The following AGT variants were observed in gnomAD, a reference collection of about 807,000 sequenced individuals.
AGT encodes angiotensinogen, also known as alpha-1 antiproteinase, antitrypsin.
Under a neutral mutation model 28.1 loss-of-function variants are expected in AGT, and 26 were observed. The ratio of observed to expected loss-of-function variants is 0.92; its 90% CI spans 0.68 to 1.28. The LOEUF is 1.28. Among genes scored for constraint, AGT ranks in the 50% most tolerant of loss-of-function variants. AGT has a pLI of 0.00. For missense variants in AGT, 596 were observed against 592.3 expected (o/e 1.01, Z -0.06); for synonymous variants, 259 against 259.6 (o/e 1.00, Z 0.02).
At chr1:230,724,806 A>C (rs1270846692) in intron 1 of AGT, among the ~76,000 whole-genome samples, 3 of 152,354 alleles carry the variant, frequency 2.0e-5, no homozygotes, top group East Asian at 3.9e-4. Flanking sequence ...AGTCCGGGTA[A>C]CAGAGTAAGA....
At chr1:230,742,409 G>A (rs1193434372) in intron 1 of AGT, among the ~76,000 whole-genome samples, 1 of 152,084 alleles carries the variant, frequency 6.6e-6, no homozygotes, top group Non-Finnish European at 1.5e-5. Flanking sequence ...TCCACCTCCC[G>A]GGTTCAAGCA....
chr1:230,731,160 A>T (rs1228994207), intron 1 of AGT, among the ~76,000 whole-genome samples: 3 of 152,190 alleles, frequency 2.0e-5, no homozygotes, highest in South Asian at 4.1e-4. Flanking sequence ...ATCCAAGGTC[A>T]CTTGTGTCTG....
intron 1 of AGT, among the ~76,000 whole-genome samples, chr1:230,743,455 A>G (rs1309646888): frequency 1.3e-5 from 2 of 150,478 alleles, no homozygotes; most frequent in Non-Finnish European, 2.9e-5. Flanking sequence ...TTCTAGAAGA[A>G]TCTGTCCCTT....
chr1:230,719,809 A>T (rs1233549570), intron 1 of AGT, among the ~76,000 whole-genome samples: 1 of 152,208 alleles, frequency 6.6e-6, no homozygotes, highest in Non-Finnish European at 1.5e-5. Flanking sequence ...TATCAATGTC[A>T]ACATTAGCTG....
rs768125504 is a variant in AGT at position 230,704,228 on chromosome 1, G to T, written c.1207C>A (p.Gln403Lys). The T allele has an allele frequency of 1.7e-5, 28 of 1,614,072 alleles. No homozygotes were observed. In the Admixed American group the frequency reaches 4.3e-4, roughly 25 times the overall value. Reference protein sequence around the residue: ...PAILHTELNLQKLSNDRIRVG... With the variant: ...PAILHTELNLKKLSNDRIRVG... The stretch of plus-strand genomic sequence containing the variant: ...CTGATGCGGTCATTGCTCAATTTTT[G>T]CAGGTTCAGCTCGGTGTGCAGAATG... The change falls in exon 4 of 5, where the codon CAA becomes AAA. Residue 403 changes from glutamine to lysine, a missense_variant. Transcript: ENST00000366667.
chr1:230,705,802 C>G (rs1663366623), intron 3 of AGT, 131 bp downstream of exon 3: 2 of 1,195,896 alleles, frequency 1.7e-6, no homozygotes, highest in Admixed American at 1.8e-5. Flanking sequence ...CCTGCCCAGC[C>G]CCGTGCCACC....
intron 1 of AGT, among the ~76,000 whole-genome samples, chr1:230,738,776 G>A (rs1664193994): frequency 6.6e-6 from 1 of 152,114 alleles, no homozygotes; most frequent in African/African-American, 2.4e-5. Context: ...ACAAAAAGAT[G>A]GGAATTCAAT....
At chr1:230,726,973 G>A (rs955563229) in intron 1 of AGT, among the ~76,000 whole-genome samples, 1 of 152,190 alleles carries the variant, frequency 6.6e-6, no homozygotes, top group Non-Finnish European at 1.5e-5. Flanking sequence ...AATACTGGAA[G>A]TTCTCCCTTC....
chr1:230,727,335 C>T (rs533087916), intron 1 of AGT, among the ~76,000 whole-genome samples: 32 of 152,238 alleles, frequency 2.1e-4, no homozygotes, highest in Non-Finnish European at 4.3e-4. Flanking sequence ...CTCATGATAC[C>T]AAACATCCAG....
Position 230,710,272 on chromosome 1 carries a change from G to A in AGT, c.552C>T (p.Ala184=). 6.2e-7 allele frequency: 1 copy of A among 1,613,834 alleles called. No homozygotes were observed. Among genetic ancestry groups the A allele is most frequent in the Non-Finnish European group, 8.5e-7 (1 of 1,180,008 alleles). ...ALQAVQGLLV[A]QGRADSQAQL... is the part of the protein sequence containing the mutation. ...GGGCCTGGCTATCAGCCCTGCCCTG[G>A]GCCACTAGCAGGCCCTGTACAGCCT... Residue 184 remains alanine, a synonymous_variant, in exon 2 of 5, where the codon GCC becomes GCT. Coordinates refer to ENST00000366667, the MANE Select transcript of AGT (RefSeq NM_001384479.1).
At position 230,704,256 on chromosome 1, in the gene AGT, G is replaced by A. The variant is rs368537638; in HGVS notation, c.1179C>T (p.Pro393=). Residue 393 remains proline, a synonymous_variant, in exon 4 of 5, where the codon CCC becomes CCT. Transcript: ENST00000366667. ...GGTTCAGCTCGGTGTGCAGAATGGC[G>A]GGCAGCTCAGCCTGGGCGAGCAGGT... ...LQDLLAQAEL[P]AILHTELNLQ... The A allele has an allele frequency of 1.2e-4, 199 of 1,614,084 alleles. No individual in the cohort carries two copies. The highest frequency in any genetic ancestry group is 1.7e-4 in the Non-Finnish European group (195 of 1,180,040).
chr1:230,723,968 C>T (rs1049956845), intron 1 of AGT, among the ~76,000 whole-genome samples: 1 of 152,336 alleles, frequency 6.6e-6, no homozygotes, highest in Admixed American at 6.5e-5. Context: ...TCATGGTCAA[C>T]CTGGCAACTA....
intron 1 of AGT, among the ~76,000 whole-genome samples, chr1:230,723,959 C>G (rs1229990806): frequency 6.6e-6 from 1 of 152,202 alleles, no homozygotes; most frequent in Non-Finnish European, 1.5e-5. Flanking sequence ...TATGGTAGTT[C>G]ATGGTCAACC....
intron 1 of AGT, among the ~76,000 whole-genome samples, chr1:230,736,299 A>G (rs1452589562): frequency 6.6e-6 from 1 of 152,046 alleles, no homozygotes; most frequent in Non-Finnish European, 1.5e-5. Context: ...TGAGGTGGGC[A>G]GATCATGAGG....
In AGT at chr1:230,710,305, A is replaced by G. The variant is rs776532755; in HGVS notation, c.519T>C (p.Ser173=). 1 of 1,613,996 alleles carries G rather than the reference A, an allele frequency of 6.2e-7. No homozygotes were observed. Among genetic ancestry groups the G allele is most frequent in the Non-Finnish European group, 8.5e-7 (1 of 1,180,012 alleles). ...GCAGGCCCTGTACAGCCTGCAGGGC[A>G]GACAGGACCTTGTGCGCATCCAGCC... is the stretch of plus-strand genomic sequence containing the variant. ...TSRLDAHKVL[S]ALQAVQGLLV... The change falls in exon 2 of 5, where the codon TCT becomes TCC. Residue 173 remains serine (S), a synonymous_variant. Transcript: ENST00000366667.
rs1333179818 is a variant in AGT at position 230,744,338 on chromosome 1, C to T, written c.-31+1177G>A. Among the ~76,000 whole-genome samples the T allele has an allele frequency of 4.6e-5, 7 of 152,324 alleles. No individual in the cohort carries two copies. In the South Asian group the frequency reaches 1.0e-3, roughly 23 times the overall value. On this transcript the variant is annotated intron_variant, in intron 1 of 4. Transcript: ENST00000681269. Reference sequence around the variant, plus strand: ...CAATGTTTACTCAGCAAATGTGCATCGTGCTCCTGCCCTGCACTGGGCTGA... The same window carrying T: ...CAATGTTTACTCAGCAAATGTGCATTGTGCTCCTGCCCTGCACTGGGCTGA...
chr1:230,711,247 T>C (rs1335108471), intron 1 of AGT, among the ~76,000 whole-genome samples: 2 of 151,968 alleles, frequency 1.3e-5, no homozygotes, highest in Non-Finnish European at 2.9e-5. Context: ...GATGAGGACA[T>C]GGACACACAC....
At chr1:230,708,513 C>CCA (rs1007548246) in intron 2 of AGT, among the ~76,000 whole-genome samples, 8 of 152,190 alleles carry the variant, frequency 5.3e-5, no homozygotes, top group African/African-American at 1.7e-4. Flanking sequence ...AGCAATCCCC[C>CCA]CATCTATCAC....
intron 4 of AGT, among the ~76,000 whole-genome samples, chr1:230,703,698 C>T (rs527979782): frequency 2.6e-4 from 39 of 152,286 alleles, no homozygotes; most frequent in Non-Finnish European, 3.4e-4. Context: ...GGGCTCTTCC[C>T]GCTGGCCCCC....
Sources: gnomAD v4.1 joint callset for allele counts (sites outside exome capture counted in the v4.1 genomes callset) on GRCh38, gnomAD v4.1.1 for gene constraint, MANE v1.5 for transcripts, NCBI Gene and HGNC (gene_info 2026-07-23, HGNC 2026-07-21) for gene names.